The following MMS22L variants were observed in gnomAD, a reference collection of about 807,000 sequenced individuals.
MMS22L encodes the protein MMS22 like, DNA repair protein, also known as protein MMS22-like.
MMS22L carries 74 observed loss-of-function variants against 159.1 expected under a neutral mutation model. The observed-to-expected ratio is 0.47, with a 90% CI of 0.39 to 0.56. The LOEUF (loss-of-function observed/expected upper bound fraction) is 0.56, where lower values mean the gene tolerates loss of function less well. Ranked by LOEUF, MMS22L falls within the 20% of genes least tolerant of loss-of-function variation. MMS22L has a pLI of 0.00. For synonymous variants in MMS22L, 517 were observed against 506.9 expected (o/e 1.02, Z -0.27); for missense variants, 1,351 against 1,422.1 (o/e 0.95, Z 0.80).
At chr6:97,151,742 C>G (rs1801339223) in intron 23 of MMS22L, 29 bp downstream of exon 23, 1 of 1,567,280 alleles carries the variant, frequency 6.4e-7, no homozygotes, top group African/African-American at 1.4e-5. Context: ...GCAATAGTTT[C>G]CTTGCCAGGT....
chr6:97,214,896 TG>T (rs1178529939), intron 14 of MMS22L, among the ~76,000 whole-genome samples: 19 of 150,680 alleles, frequency 1.3e-4, no homozygotes, highest in African/African-American at 4.4e-4. Flanking sequence ...TTACTGATGA[TG>T]AAAAAAATAC....
intron 14 of MMS22L, among the ~76,000 whole-genome samples, chr6:97,192,198 ATGGATGG>A (rs1469233716): frequency 7.3e-5 from 11 of 150,706 alleles, no homozygotes; most frequent in South Asian, 6.4e-4. Context: ...GGATGGATGG[ATGGATGG>A]ATGGATGAAT....
intron 14 of MMS22L, among the ~76,000 whole-genome samples, chr6:97,196,494 G>GT (rs1806524018): frequency 6.6e-6 from 1 of 152,082 alleles, no homozygotes; most frequent in East Asian, 1.9e-4. Context: ...TAAGAACAAT[G>GT]TAACTATACA....
intron 16 of MMS22L, among the ~76,000 whole-genome samples, chr6:97,180,798 G>A (rs1004609190): frequency 6.6e-6 from 1 of 152,144 alleles, no homozygotes; most frequent in African/African-American, 2.4e-5. Context: ...TAATCCAACT[G>A]AATTTGAACT....
At chr6:97,223,126 C>G (rs1019647995) in intron 14 of MMS22L, among the ~76,000 whole-genome samples, 1 of 152,084 alleles carries the variant, frequency 6.6e-6, no homozygotes, top group East Asian at 1.9e-4. Flanking sequence ...CAGAAAGAAG[C>G]ATATGAAGTT....
chr6:97,280,880 A>G (rs1045125769), intron 3 of MMS22L, among the ~76,000 whole-genome samples: 3 of 152,204 alleles, frequency 2.0e-5, no homozygotes, highest in African/African-American at 7.2e-5. Context: ...TAATATTTCT[A>G]TTACACAGTC....
At chr6:97,277,515 A>G (rs1816356640) in intron 4 of MMS22L, among the ~76,000 whole-genome samples, 1 of 152,118 alleles carries the variant, frequency 6.6e-6, no homozygotes, top group South Asian at 2.1e-4. Context: ...AATACAAAAC[A>G]TGGCACTATG....
intron 10 of MMS22L, among the ~76,000 whole-genome samples, chr6:97,251,369 A>G (rs747627352): frequency 7.9e-5 from 12 of 152,224 alleles, no homozygotes; most frequent in South Asian, 4.1e-4. Flanking sequence ...TTTCACTGAG[A>G]TAATACACAG....
At chr6:97,240,175 T>C (rs1025555825) in intron 11 of MMS22L, among the ~76,000 whole-genome samples, 20 of 152,154 alleles carry the variant, frequency 1.3e-4, no homozygotes, top group South Asian at 6.2e-4. Context: ...TCCCACAAAA[T>C]TGGTTTCCAG....
chr6:97,162,070 T>C lies in MMS22L; in HGVS notation c.3317A>G (p.Asp1106Gly), dbSNP rs1249170898. The part of the protein sequence containing the change: ...ILQLFKETNT[D>G]IYEVELLLPG... The stretch of plus-strand genomic sequence containing the variant: ...GAGGAGTAGTTCAACTTCATAAATG[T>C]CTGTGTTAGTTTCCTTGAAGAGTTG... Residue 1106 changes from aspartate to glycine, a missense_variant, in exon 22 of 25, where the codon GAC becomes GGC. By Grantham distance (94) the Asp-to-Gly change is moderately conservative. Coordinates refer to ENST00000683635, the MANE Select transcript of MMS22L (RefSeq NM_001350599.2). 1.9e-6 allele frequency: 3 copies of C among 1,612,360 alleles called. No homozygotes were observed. Among genetic ancestry groups the C allele is most frequent in the Admixed American group, 1.7e-5 (1 of 59,750 alleles).
chr6:97,264,986 T>G (rs1814933357), intron 8 of MMS22L: 1 of 152,144 alleles, frequency 6.6e-6, no homozygotes, highest in Admixed American at 6.5e-5. Context: ...ACCTACAGAT[T>G]CAATGAAATC....
intron 22 of MMS22L, among the ~76,000 whole-genome samples, chr6:97,155,468 C>G (rs1801737765): frequency 6.6e-6 from 1 of 152,142 alleles, no homozygotes; most frequent in Admixed American, 6.5e-5. Context: ...CCCCCAGTCC[C>G]CCACCTCCTG....
chr6:97,201,195 T>C (rs910159566), intron 14 of MMS22L, among the ~76,000 whole-genome samples: 1 of 152,184 alleles, frequency 6.6e-6, no homozygotes. Flanking sequence ...GCCTACATAT[T>C]TGAATAATAA....
At chr6:97,251,558 A>C (rs903776330) in intron 10 of MMS22L, among the ~76,000 whole-genome samples, 7 of 152,228 alleles carry the variant, frequency 4.6e-5, no homozygotes, top group Non-Finnish European at 8.8e-5. Context: ...TATATATTAC[A>C]CATCCTCATC....
chr6:97,196,333 C>T (rs1261981710), intron 14 of MMS22L, among the ~76,000 whole-genome samples: 1 of 151,978 alleles, frequency 6.6e-6, no homozygotes. Flanking sequence ...AATAGAGTTG[C>T]AGAAAGTTAA....
Position 97,186,643 on chromosome 6 carries a change from T to C in MMS22L, c.2087A>G (p.Asp696Gly). 1 of 1,585,504 alleles carries C rather than the reference T, an allele frequency of 6.3e-7. No homozygotes were observed. The highest frequency in any genetic ancestry group is 1.4e-5 in the African/African-American group (1 of 73,502). ...CGATAATGAAGACTGTACAAATAGG[T>C]CCACATTGTCCCTTTGAAGTTCCTG... ...LCQELQRDNV[D>G]LFVQSSLSAK... Residue 696 changes from aspartate to glycine, a missense_variant, in exon 15 of 25, where the codon GAC becomes GGC. Coordinates refer to ENST00000683635, the MANE Select transcript of MMS22L (RefSeq NM_001350599.2).
chr6:97,154,484 G>A (rs1801633110), intron 22 of MMS22L, among the ~76,000 whole-genome samples: 1 of 151,964 alleles, frequency 6.6e-6, no homozygotes, highest in African/African-American at 2.4e-5. Flanking sequence ...TCTCTTCTGT[G>A]GTTCATGCTT....
intron 6 of MMS22L, chr6:97,270,426 C>A: frequency 3.1e-6 from 1 of 326,160 alleles, no homozygotes; most frequent in Non-Finnish European, 6.0e-6. Flanking sequence ...GTCATGTAGA[C>A]ATTATTGTCA....
At chr6:97,255,771 C>T (rs1813731293) in intron 9 of MMS22L, among the ~76,000 whole-genome samples, 1 of 83,266 alleles carries the variant, frequency 1.2e-5, no homozygotes, top group Admixed American at 1.1e-4. Flanking sequence ...ATGTGTATTT[C>T]TCCTTGAAAA....
Sources: gnomAD v4.1 joint callset for allele counts (sites outside exome capture counted in the v4.1 genomes callset) on GRCh38, gnomAD v4.1.1 for gene constraint, MANE v1.5 for transcripts, NCBI Gene and HGNC (gene_info 2026-07-23, HGNC 2026-07-21) for gene names.